The following ROBO1 variants were observed in gnomAD, a reference collection of about 807,000 sequenced individuals.
ROBO1 encodes roundabout homolog 1.
A neutral mutation model predicts 195.9 loss-of-function variants in ROBO1; 149 were observed. That is an observed-to-expected ratio of 0.76 (90% confidence interval 0.67 to 0.87). The LOEUF is 0.87. ROBO1 is among the 40% of genes least tolerant of loss of function. ROBO1 has a pLI of 0.00. For missense variants in ROBO1, 1,933 were observed against 2,068.3 expected (o/e 0.93, Z 1.27); for synonymous variants, 816 against 733.2 (o/e 1.11, Z -1.82).
intron 2 of ROBO1, among the ~76,000 whole-genome samples, chr3:79,222,325 T>C (rs930467975): frequency 2.0e-5 from 3 of 152,104 alleles, no homozygotes; most frequent in Admixed American, 2.0e-4. Flanking sequence ...TCTCAGTTCT[T>C]TCATGGGGCA....
chr3:79,097,869 C>G (rs1026476521), intron 3 of ROBO1, among the ~76,000 whole-genome samples: 3 of 150,888 alleles, frequency 2.0e-5, no homozygotes, highest in Admixed American at 6.6e-5. Context: ...TTTTTTAATC[C>G]TGTTCAACCT....
intron 8 of ROBO1, chr3:78,693,227 C>A: frequency 7.5e-7 from 1 of 1,336,424 alleles, no homozygotes; most frequent in Non-Finnish European, 1.0e-6. Context: ...TGGCCAATGA[C>A]AAGTGAAACA....
intron 4 of ROBO1, among the ~76,000 whole-genome samples, chr3:78,773,612 T>C (rs756319089): frequency 6.6e-6 from 1 of 152,144 alleles, no homozygotes; most frequent in Non-Finnish European, 1.5e-5. Context: ...TAATATTCCA[T>C]AATTTTTTAT....
chr3:79,494,447 G>A (rs1212725533), intron 2 of ROBO1, among the ~76,000 whole-genome samples: 2 of 151,972 alleles, frequency 1.3e-5, no homozygotes, highest in African/African-American at 4.8e-5. Flanking sequence ...AGGGCTATCT[G>A]CAAAAAAATA....
chr3:79,357,524 A>G (rs2035605192), intron 2 of ROBO1, among the ~76,000 whole-genome samples: 1 of 152,196 alleles, frequency 6.6e-6, no homozygotes, highest in Non-Finnish European at 1.5e-5. Context: ...AATTATCCTC[A>G]GTTACACAAG....
At position 79,466,546 on chromosome 3, in the gene ROBO1, G is replaced by A. The variant is rs1937969213; in HGVS notation, c.88+123278C>T. Among the ~76,000 whole-genome samples the A allele has an allele frequency of 2.6e-5, 4 of 151,942 alleles. No individual in the cohort carries two copies. The South Asian group carries it at 8.3e-4, about 31-fold the overall frequency. ...TTAAATTACAAGAAGAGTTCTATCA[G>A]GCAATATATTAAATCTAGAGGCAAG... On this transcript the variant is annotated intron_variant, in intron 2 of 30. Coordinates refer to ENST00000464233, the MANE Select transcript of ROBO1 (RefSeq NM_002941.4).
chr3:78,882,325 A>G (rs2107267040), intron 4 of ROBO1, among the ~76,000 whole-genome samples: 1 of 152,052 alleles, frequency 6.6e-6, no homozygotes, highest in East Asian at 1.9e-4. Context: ...GAAAGTAGTA[A>G]GTAATTTTTT....
intron 2 of ROBO1, among the ~76,000 whole-genome samples, chr3:79,444,171 T>A (rs547450393): frequency 2.0e-5 from 3 of 152,118 alleles, no homozygotes; most frequent in East Asian, 3.9e-4. Flanking sequence ...GAATTTCTTT[T>A]CATGAAAACA....
chr3:78,674,708 C>A (rs1708288871), intron 10 of ROBO1, among the ~76,000 whole-genome samples: 1 of 152,102 alleles, frequency 6.6e-6, no homozygotes, highest in Admixed American at 6.5e-5. Flanking sequence ...TCTAGTCTCA[C>A]AAATACAAGC....
At chr3:79,567,805 GAATT>G (rs1287319459) in intron 2 of ROBO1, among the ~76,000 whole-genome samples, 3 of 151,974 alleles carry the variant, frequency 2.0e-5, no homozygotes, top group Non-Finnish European at 4.4e-5. Context: ...ATTAGTCCAT[GAATT>G]ATTATAAATT....
intron 4 of ROBO1, among the ~76,000 whole-genome samples, chr3:78,930,112 T>C (rs1280502716): frequency 6.6e-6 from 1 of 152,146 alleles, no homozygotes; most frequent in Non-Finnish European, 1.5e-5. Context: ...TCCTGTGCTC[T>C]CAAAGTAGTG....
chr3:79,474,384 T>G (rs371134241), intron 2 of ROBO1, among the ~76,000 whole-genome samples: 2 of 152,286 alleles, frequency 1.3e-5, no homozygotes, highest in East Asian at 1.9e-4. Context: ...TCACTTTTAT[T>G]TTTTCTCTGG....
chr3:79,429,492 G>T (rs1358564549), intron 2 of ROBO1, among the ~76,000 whole-genome samples: 1 of 152,062 alleles, frequency 6.6e-6, no homozygotes, highest in Non-Finnish European at 1.5e-5. Context: ...AACACGCAAA[G>T]CCTAATCCAG....
chr3:79,048,938 G>A (rs554039102), intron 3 of ROBO1, among the ~76,000 whole-genome samples: 25 of 152,212 alleles, frequency 1.6e-4, no homozygotes, highest in African/African-American at 5.8e-4. Context: ...ACAAAGATGG[G>A]AGAAACCAGA....
intron 1 of ROBO1, among the ~76,000 whole-genome samples, chr3:79,677,034 C>T (rs1946803628): frequency 6.6e-6 from 1 of 151,988 alleles, no homozygotes; most frequent in Admixed American, 6.6e-5. Flanking sequence ...AGATGGAATA[C>T]TGTAATAGAC....
chr3:79,083,898 C>G (rs529610384), intron 3 of ROBO1, among the ~76,000 whole-genome samples: 7 of 152,204 alleles, frequency 4.6e-5, no homozygotes, highest in African/African-American at 1.7e-4. Context: ...AAACTTCTTC[C>G]AGAAAAGTAT....
chr3:79,141,765 GC>G (rs766374837), intron 2 of ROBO1, among the ~76,000 whole-genome samples: 6 of 151,892 alleles, frequency 4.0e-5, no homozygotes, highest in Non-Finnish European at 7.4e-5. Flanking sequence ...AGTTTATTTG[GC>G]TCACAGCCTT....
At chr3:79,199,101 T>C (rs1294800067) in intron 2 of ROBO1, among the ~76,000 whole-genome samples, 1 of 151,948 alleles carries the variant, frequency 6.6e-6, no homozygotes, top group Non-Finnish European at 1.5e-5. Flanking sequence ...ATCCTTGTCT[T>C]GTGCCGGTTT....
intron 2 of ROBO1, among the ~76,000 whole-genome samples, chr3:79,215,585 T>C (rs1028245294): frequency 4.6e-5 from 7 of 152,156 alleles, no homozygotes; most frequent in Non-Finnish European, 8.8e-5. Context: ...AGGATTATGG[T>C]CGTTCTCCTC....
Sources: allele counts gnomAD v4.1 joint callset (sites outside exome capture counted in the v4.1 genomes callset), GRCh38; gene constraint gnomAD v4.1.1; transcripts MANE v1.5; gene names NCBI Gene and HGNC (gene_info 2026-07-23, HGNC 2026-07-21).